PDE1C: variants seen among roughly 807,000 people sequenced by gnomAD.
The protein encoded by PDE1C is phosphodiesterase 1C.
Under a neutral mutation model 93.1 loss-of-function variants are expected in PDE1C, and 62 were observed. The observed-to-expected ratio is 0.67, with a 90% CI of 0.54 to 0.82. The LOEUF (loss-of-function observed/expected upper bound fraction) is 0.82. Ranked by LOEUF, PDE1C falls within the 40% of genes least tolerant of loss-of-function variation. The pLI is 0.00. For synonymous variants in PDE1C, 325 were observed against 310.1 expected (o/e 1.05, Z -0.50); for missense variants, 742 against 884.6 (o/e 0.84, Z 2.04).
At chr7:32,047,032 G>GTGTGTGT (rs113331207) in intron 2 of PDE1C, among the ~76,000 whole-genome samples, 2 of 148,710 alleles carry the variant, frequency 1.3e-5, no homozygotes, top group Non-Finnish European at 3.0e-5. Flanking sequence ...CTGAAATAGG[G>GTGTGTGT]GTGTGTGTGT....
At chr7:31,839,016 C>T (rs2128769354) in intron 9 of PDE1C, among the ~76,000 whole-genome samples, 1 of 147,424 alleles carries the variant, frequency 6.8e-6, no homozygotes, top group South Asian at 2.1e-4. Flanking sequence ...TTATAGATTT[C>T]AATATTTATA....
intron 2 of PDE1C, among the ~76,000 whole-genome samples, chr7:32,205,772 C>G (rs1358759126): frequency 6.6e-6 from 1 of 152,064 alleles, no homozygotes; most frequent in Non-Finnish European, 1.5e-5. Context: ...TGAAGCAACC[C>G]CAAGGAAAAC....
At chr7:31,918,284 A>AAAACTTTG (rs1362306338) in intron 2 of PDE1C, among the ~76,000 whole-genome samples, 1 of 152,196 alleles carries the variant, frequency 6.6e-6, no homozygotes, top group Admixed American at 6.6e-5. Flanking sequence ...TCCTGGCTTC[A>AAAACTTTG]AAGTTTTGGA....
rs569513146 is a variant in PDE1C, at chr7:32,014,863, T to G, written c.128+36691A>C. Among the ~76,000 whole-genome samples, 44 of 152,294 alleles carry G rather than the reference T, an allele frequency of 2.9e-4. No homozygotes were observed. The South Asian group carries it at 8.1e-3, about 28-fold the overall frequency. ...TCATACACATTAAGTCATTTGTATG[T>G]GATATGGTTAGGCTTTGTGCCCCCA... is the stretch of plus-strand genomic sequence containing the variant. On this transcript the variant is annotated intron_variant, in intron 2 of 17. Transcript: ENST00000396191.
At chr7:31,859,403 C>T (rs1794412319) in intron 7 of PDE1C, among the ~76,000 whole-genome samples, 1 of 148,002 alleles carries the variant, frequency 6.8e-6, no homozygotes, top group African/African-American at 2.5e-5. Context: ...AGTAATGGCA[C>T]AATATCCTAT....
At chr7:31,990,158 A>T (rs1783975161) in intron 2 of PDE1C, among the ~76,000 whole-genome samples, 1 of 152,214 alleles carries the variant, frequency 6.6e-6, no homozygotes, top group South Asian at 2.1e-4. Flanking sequence ...TTGGCTCTGT[A>T]TCCCCATCCA....
At chr7:32,293,313 A>C (rs1460153196) in intron 1 of PDE1C, among the ~76,000 whole-genome samples, 1 of 152,164 alleles carries the variant, frequency 6.6e-6, no homozygotes, top group African/African-American at 2.4e-5. Context: ...TTCCCACAGC[A>C]AATACAACCT....
At chr7:32,298,734 A>T (rs777419622) in exon 1 of PDE1C, 1 of 1,592,544 alleles carries the variant, frequency 6.3e-7, no homozygotes. Flanking sequence ...GGCGTCCGTC[A>T]TGGCTCGGCC....
chr7:31,945,476 A>G (rs1806492828), intron 2 of PDE1C, among the ~76,000 whole-genome samples: 1 of 152,086 alleles, frequency 6.6e-6, no homozygotes, highest in Non-Finnish European at 1.5e-5. Flanking sequence ...TTCATTTATG[A>G]AGGATAATTT....
At chr7:32,189,615 T>C (rs896463047) in intron 2 of PDE1C, among the ~76,000 whole-genome samples, 1 of 152,174 alleles carries the variant, frequency 6.6e-6, no homozygotes, top group Non-Finnish European at 1.5e-5. Flanking sequence ...TTCAGGGATA[T>C]AGTATATATG....
intron 17 of PDE1C, among the ~76,000 whole-genome samples, chr7:31,771,192 A>G (rs796823425): frequency 3.9e-5 from 6 of 152,258 alleles, no homozygotes; most frequent in African/African-American, 1.4e-4. Context: ...CCAGTTGCCA[A>G]TTTCTGTGGT....
At chr7:31,719,337 T>G in the PDE1C span, among the ~76,000 whole-genome samples, 1 of 152,196 alleles carries the variant, frequency 6.6e-6, no homozygotes, top group Non-Finnish European at 1.5e-5. Context: ...CTAGCTGGGC[T>G]CAAGAGACAG....
At chr7:32,387,028 C>G (rs1458694097) in intron 1 of PDE1C, among the ~76,000 whole-genome samples, 1 of 151,062 alleles carries the variant, frequency 6.6e-6, no homozygotes, top group Non-Finnish European at 1.5e-5. Flanking sequence ...TGCGGCCTTC[C>G]GCAGTGTTTG....
At chr7:31,891,770 C>T (rs1348922979) in intron 2 of PDE1C, among the ~76,000 whole-genome samples, 1 of 151,422 alleles carries the variant, frequency 6.6e-6, no homozygotes, top group African/African-American at 2.4e-5. Flanking sequence ...CAAACCTACA[C>T]TTGCAATTAT....
chr7:32,305,361 GT>G (rs1347720949), intron 1 of PDE1C, among the ~76,000 whole-genome samples: 2 of 152,144 alleles, frequency 1.3e-5, no homozygotes, highest in Non-Finnish European at 2.9e-5. Flanking sequence ...CTTTTCTGTT[GT>G]TGTTAACCAG....
intron 2 of PDE1C, among the ~76,000 whole-genome samples, chr7:32,013,905 T>C (rs1056039344): frequency 1.3e-5 from 2 of 152,250 alleles, no homozygotes; most frequent in African/African-American, 2.4e-5. Context: ...CTTCCTCAAC[T>C]GCAGTTGGTA....
intron 1 of PDE1C, among the ~76,000 whole-genome samples, chr7:32,059,777 C>T (rs1284819129): frequency 6.6e-6 from 1 of 151,736 alleles, no homozygotes; most frequent in Non-Finnish European, 1.5e-5. Context: ...ATCAGTGGCA[C>T]CAAGGAAAAA....
intron 1 of PDE1C, among the ~76,000 whole-genome samples, chr7:32,280,541 T>G (rs1017607872): frequency 6.6e-6 from 1 of 152,196 alleles, no homozygotes; most frequent in Non-Finnish European, 1.5e-5. Flanking sequence ...ACGATACATA[T>G]GAAAACAGAA....
At chr7:32,298,805 G>A (rs1377567340) in exon 1 of PDE1C, 7 of 1,525,836 alleles carry the variant, frequency 4.6e-6, no homozygotes, top group African/African-American at 1.4e-5. Flanking sequence ...ACGGCGGAGT[G>A]AGCAGCCCGG....
Sources: allele counts gnomAD v4.1 joint callset (sites outside exome capture counted in the v4.1 genomes callset), GRCh38; gene constraint gnomAD v4.1.1; transcripts MANE v1.5; gene names NCBI Gene and HGNC (gene_info 2026-07-23, HGNC 2026-07-21).